FAM110B: variants seen among roughly 807,000 people sequenced by gnomAD.
FAM110B encodes the protein protein FAM110B.
In FAM110B, 6 loss-of-function variants were observed where a neutral mutation model predicts 20.4. That is an observed-to-expected ratio of 0.29 (90% CI 0.16 to 0.58). The LOEUF (loss-of-function observed/expected upper bound fraction) is 0.58, where lower values mean the gene tolerates loss of function less well. Among genes scored for constraint, FAM110B ranks in the 20% least tolerant of loss-of-function variants. The probability of loss-of-function intolerance (pLI) is 0.90; values close to 1 mark genes in which losing one functional copy is unlikely to be tolerated. For missense variants in FAM110B, 434 were observed against 498.2 expected (o/e 0.87, Z 1.23); for synonymous variants, 226 against 214.1 (o/e 1.06, Z -0.49).
chr8:58,072,873 G>C (rs1417696721), intron 2 of FAM110B, among the ~76,000 whole-genome samples: 1 of 152,212 alleles, frequency 6.6e-6, no homozygotes, highest in Non-Finnish European at 1.5e-5. Context: ...GCTGAACAAG[G>C]TGTGGAAAAT....
intron 3 of FAM110B, among the ~76,000 whole-genome samples, chr8:58,090,290 G>T (rs1806441736): frequency 6.6e-6 from 1 of 152,168 alleles, no homozygotes; most frequent in Non-Finnish European, 1.5e-5. Flanking sequence ...CTCCCAAGTA[G>T]CTGAGACTAC....
At chr8:58,101,650 A>G (rs1180752151) in intron 3 of FAM110B, among the ~76,000 whole-genome samples, 1 of 151,926 alleles carries the variant, frequency 6.6e-6, no homozygotes, top group Admixed American at 6.6e-5. Flanking sequence ...TTTCTACTCT[A>G]AACTGACTTC....
intron 1 of FAM110B, among the ~76,000 whole-genome samples, chr8:58,009,132 C>T (rs572408823): frequency 1.3e-3 from 205 of 152,314 alleles, no homozygotes; most frequent in Non-Finnish European, 2.6e-3. Flanking sequence ...GATAGGGGGA[C>T]GTAAGTCACA....
chr8:58,090,961 C>A (rs111238204), intron 3 of FAM110B, among the ~76,000 whole-genome samples: 19 of 152,316 alleles, frequency 1.2e-4, no homozygotes, highest in African/African-American at 4.6e-4. Context: ...TTGCTATGCA[C>A]TTCACACCCT....
intron 2 of FAM110B, among the ~76,000 whole-genome samples, chr8:58,044,185 G>A (rs951806347): frequency 3.9e-5 from 6 of 152,164 alleles, no homozygotes; most frequent in Non-Finnish European, 8.8e-5. Flanking sequence ...TGTGTTCTCA[G>A]AGGCACTGCA....
intron 2 of FAM110B, among the ~76,000 whole-genome samples, chr8:58,062,310 G>C (rs561900129): frequency 2.0e-5 from 3 of 152,270 alleles, no homozygotes; most frequent in Non-Finnish European, 2.9e-5. Context: ...AGAAATTGGG[G>C]GTGATCGTTT....
intron 2 of FAM110B, among the ~76,000 whole-genome samples, chr8:58,062,035 A>G (rs182765622): frequency 3.2e-4 from 49 of 152,336 alleles, no homozygotes; most frequent in African/African-American, 1.2e-3. Context: ...TTCTTGAAGG[A>G]CACGATACAT....
At chr8:58,133,453 TG>T (rs1429803502) in intron 3 of FAM110B, among the ~76,000 whole-genome samples, 5 of 152,222 alleles carry the variant, frequency 3.3e-5, no homozygotes, top group Non-Finnish European at 5.9e-5. Flanking sequence ...GTCCCATCCT[TG>T]GGGAAGGAGG....
At chr8:58,143,261 C>A (rs1194165596) in intron 3 of FAM110B, among the ~76,000 whole-genome samples, 1 of 152,238 alleles carries the variant, frequency 6.6e-6, no homozygotes, top group Non-Finnish European at 1.5e-5. Flanking sequence ...ACACCCCAAA[C>A]AGTATCTTTA....
At chr8:58,092,280 T>A (rs1180859878) in intron 3 of FAM110B, among the ~76,000 whole-genome samples, 1 of 152,234 alleles carries the variant, frequency 6.6e-6, no homozygotes, top group Admixed American at 6.5e-5. Flanking sequence ...AGTTCTGGGA[T>A]ACATGTGCAG....
intron 1 of FAM110B, among the ~76,000 whole-genome samples, chr8:58,024,978 A>G (rs1387973527): frequency 1.3e-5 from 2 of 152,206 alleles, no homozygotes; most frequent in Non-Finnish European, 2.9e-5. Flanking sequence ...CTGGGCTTAC[A>G]CTATATCTGC....
At chr8:58,101,691 G>T (rs919734249) in intron 3 of FAM110B, among the ~76,000 whole-genome samples, 2 of 151,934 alleles carry the variant, frequency 1.3e-5, no homozygotes, top group African/African-American at 4.8e-5. Flanking sequence ...CATGTTTCAA[G>T]AATTAATTTC....
At chr8:58,095,916 G>T (rs1050774362) in intron 3 of FAM110B, among the ~76,000 whole-genome samples, 1 of 152,138 alleles carries the variant, frequency 6.6e-6, no homozygotes, top group African/African-American at 2.4e-5. Context: ...TATGAATCTG[G>T]ATGCTCCTGT....
chr8:58,137,843 G>A (rs772232626), intron 3 of FAM110B, among the ~76,000 whole-genome samples: 14 of 152,236 alleles, frequency 9.2e-5, no homozygotes, highest in Middle Eastern at 6.8e-3. Context: ...TTTTCAGTTC[G>A]TCTTCAATAA....
chr8:58,062,026 T>G (rs1355259010), intron 2 of FAM110B, among the ~76,000 whole-genome samples: 1 of 152,240 alleles, frequency 6.6e-6, no homozygotes, highest in Non-Finnish European at 1.5e-5. Flanking sequence ...TTTTCCTCAT[T>G]CTTGAAGGAC....
chr8:58,020,698 T>C (rs1236091091), intron 1 of FAM110B, among the ~76,000 whole-genome samples: 1 of 152,260 alleles, frequency 6.6e-6, no homozygotes. Context: ...CCTTCTAACA[T>C]TTCCACTGTT....
chr8:58,024,687 T>C (rs964018200), intron 1 of FAM110B, among the ~76,000 whole-genome samples: 7 of 152,200 alleles, frequency 4.6e-5, no homozygotes, highest in African/African-American at 1.7e-4. Flanking sequence ...GCCTATTCCT[T>C]TGCCCACTTT....
rs144997786 is a variant in FAM110B at position 57,996,349 on chromosome 8, G to A, written c.-512+1543G>A. The stretch of plus-strand genomic sequence containing the variant: ...TATTACTTTTAATTTTTCTTATCAA[G>A]CTATGTGTTATTTTCTGTTTGGAAA... On this transcript the variant is annotated intron_variant, in intron 1 of 3. Transcript: ENST00000519262. 2.3e-3 allele frequency among the ~76,000 whole-genome samples: 356 copies of A among 152,200 alleles called. 4 individuals are homozygous for A. The highest frequency in any genetic ancestry group is 8.0e-3 in the African/African-American group (333 of 41,534).
intron 3 of FAM110B, among the ~76,000 whole-genome samples, chr8:58,107,318 T>C (rs1351182221): frequency 6.6e-6 from 1 of 152,216 alleles, no homozygotes; most frequent in East Asian, 1.9e-4. Flanking sequence ...AGTGAAATAT[T>C]TTTGCAACAT....
Sources: allele counts gnomAD v4.1 joint callset (sites outside exome capture counted in the v4.1 genomes callset), GRCh38; gene constraint gnomAD v4.1.1; transcripts MANE v1.5; gene names NCBI Gene and HGNC (gene_info 2026-07-23, HGNC 2026-07-21).